The following LRMDA variants were observed in gnomAD, a reference collection of about 807,000 sequenced individuals.
LRMDA encodes the protein leucine rich melanocyte differentiation associated.
Under a neutral mutation model 29.8 loss-of-function variants are expected in LRMDA, and 18 were observed. The ratio of observed to expected loss-of-function variants is 0.60; its 90% confidence interval spans 0.42 to 0.90. The LOEUF (loss-of-function observed/expected upper bound fraction) is 0.90. LRMDA is among the 40% of genes least tolerant of loss of function. LRMDA has a pLI of 0.00. For synonymous variants in LRMDA, 125 were observed against 109.4 expected (o/e 1.14, Z -0.89); for missense variants, 273 against 273.9 (o/e 1.00, Z 0.02).
intron 6 of LRMDA, among the ~76,000 whole-genome samples, chr10:76,327,747 G>A (rs1308995799): frequency 6.6e-6 from 1 of 152,114 alleles, no homozygotes; most frequent in Non-Finnish European, 1.5e-5. Flanking sequence ...TTCCTTTGGG[G>A]GTGAACACAC....
chr10:75,530,117 TA>T (rs1461305364), intron 2 of LRMDA, among the ~76,000 whole-genome samples: 1 of 151,780 alleles, frequency 6.6e-6, no homozygotes, highest in African/African-American at 2.4e-5. Context: ...ATATATTCTT[TA>T]AAAAATATAT....
At chr10:76,457,337 CA>C (rs1842466536) in intron 6 of LRMDA, among the ~76,000 whole-genome samples, 1 of 152,168 alleles carries the variant, frequency 6.6e-6, no homozygotes, top group African/African-American at 2.4e-5. Context: ...ATTCATGACA[CA>C]CTTTCTCAGT....
chr10:75,559,603 TG>T (rs1406435925), intron 2 of LRMDA, among the ~76,000 whole-genome samples: 1 of 148,922 alleles, frequency 6.7e-6, no homozygotes, highest in Non-Finnish European at 1.5e-5. Flanking sequence ...ATGAAGTCCT[TG>T]CCCATGCCTA....
chr10:76,170,112 A>C (rs1850807728), intron 5 of LRMDA, among the ~76,000 whole-genome samples: 1 of 152,190 alleles, frequency 6.6e-6, no homozygotes, highest in Non-Finnish European at 1.5e-5. Flanking sequence ...ATTGCAGGTC[A>C]CATTCTTGCT....
At chr10:75,472,767 G>A (rs1197714384) in intron 2 of LRMDA, among the ~76,000 whole-genome samples, 2 of 152,210 alleles carry the variant, frequency 1.3e-5, no homozygotes, top group African/African-American at 2.4e-5. Flanking sequence ...AGATGGAGAG[G>A]AGGGGAAACA....
intron 2 of LRMDA, 93 bp downstream of exon 2, chr10:75,438,587 C>A: frequency 1.1e-6 from 1 of 928,656 alleles, no homozygotes; most frequent in Non-Finnish European, 1.7e-6. Flanking sequence ...AATGTTCCAA[C>A]TCCACATGGG....
At chr10:76,521,191 T>C (rs1843116571) in intron 6 of LRMDA, among the ~76,000 whole-genome samples, 1 of 150,292 alleles carries the variant, frequency 6.7e-6, no homozygotes, top group African/African-American at 2.4e-5. Flanking sequence ...TGGAGTGCCG[T>C]GGCGCGATCT....
intron 2 of LRMDA, among the ~76,000 whole-genome samples, chr10:75,923,544 C>T (rs1358359726): frequency 6.6e-6 from 1 of 152,140 alleles, no homozygotes; most frequent in East Asian, 1.9e-4. Context: ...CCGATCCTTC[C>T]CGTGATTCCC....
chr10:76,549,877 T>C (rs1316125111), intron 6 of LRMDA, among the ~76,000 whole-genome samples: 1 of 152,180 alleles, frequency 6.6e-6, no homozygotes, highest in African/African-American at 2.4e-5. Flanking sequence ...CAAAATAAAA[T>C]TGAAATGAGC....
chr10:75,786,972 AGT>A (rs1056387382), intron 2 of LRMDA, among the ~76,000 whole-genome samples: 1 of 152,230 alleles, frequency 6.6e-6, no homozygotes, highest in African/African-American at 2.4e-5. Flanking sequence ...TTGATTTTAC[AGT>A]GTGTCACTCT....
chr10:75,640,329 A>C (rs560256916), intron 2 of LRMDA, among the ~76,000 whole-genome samples: 1 of 152,304 alleles, frequency 6.6e-6, no homozygotes, highest in East Asian at 1.9e-4. Context: ...GTACTCTTAA[A>C]TCTGCATTTA....
intron 2 of LRMDA, among the ~76,000 whole-genome samples, chr10:76,025,133 C>A (rs553270350): frequency 6.6e-6 from 1 of 152,036 alleles, no homozygotes; most frequent in African/African-American, 2.4e-5. Context: ...AATCTCAAGC[C>A]GTGAATCAAA....
chr10:76,240,093 T>C (rs781689211), intron 5 of LRMDA, among the ~76,000 whole-genome samples: 55 of 151,260 alleles, frequency 3.6e-4, no homozygotes, highest in Non-Finnish European at 7.5e-4. Flanking sequence ...GTATAGACAA[T>C]TCTCAAAAAA....
intron 5 of LRMDA, among the ~76,000 whole-genome samples, chr10:76,084,281 T>C (rs1428751774): frequency 6.6e-6 from 1 of 151,380 alleles, no homozygotes; most frequent in Admixed American, 6.6e-5. Context: ...TACCACAACC[T>C]CTGCCTCCCG....
intron 5 of LRMDA, among the ~76,000 whole-genome samples, chr10:76,261,514 A>C (rs886210377): frequency 6.6e-6 from 1 of 152,150 alleles, no homozygotes; most frequent in African/African-American, 2.4e-5. Context: ...AGTTGTTACA[A>C]AATGAACAGT....
intron 5 of LRMDA, among the ~76,000 whole-genome samples, chr10:76,100,148 T>C (rs140640612): frequency 1.2e-3 from 186 of 152,342 alleles, no homozygotes; most frequent in Admixed American, 2.9e-3. Context: ...GTGTTCCTGA[T>C]AAATGACCTC....
intron 5 of LRMDA, among the ~76,000 whole-genome samples, chr10:76,225,931 A>G (rs1457228213): frequency 1.5e-5 from 2 of 134,942 alleles, no homozygotes; most frequent in Non-Finnish European, 3.1e-5. Context: ...CTGTGTCCAA[A>G]TGTTCCTATT....
At chr10:76,315,441 G>A (rs368137184) in intron 5 of LRMDA, among the ~76,000 whole-genome samples, 13 of 152,264 alleles carry the variant, frequency 8.5e-5, no homozygotes, top group African/African-American at 3.1e-4. Flanking sequence ...TCCTGCTCCC[G>A]GGCCTCTCCC....
At chr10:75,757,613 G>A (rs565029616) in intron 2 of LRMDA, among the ~76,000 whole-genome samples, 45 of 152,230 alleles carry the variant, frequency 3.0e-4, no homozygotes, top group African/African-American at 1.1e-3. Flanking sequence ...TTAAAAAAAT[G>A]GGTGCAATGA....
Sources: allele counts gnomAD v4.1 joint callset (sites outside exome capture counted in the v4.1 genomes callset), GRCh38; gene constraint gnomAD v4.1.1; transcripts MANE v1.5; gene names NCBI Gene and HGNC (gene_info 2026-07-23, HGNC 2026-07-21).